PFKFB3: variants seen among roughly 807,000 people sequenced by gnomAD.
PFKFB3 encodes 6-phosphofructo-2-kinase/fructose-2,6-biphosphatase 3, also known as 6-phosphofructo-2-kinase/fructose-2,6-bisphosphatase 3.
In PFKFB3, 33 loss-of-function variants were observed where a neutral mutation model predicts 68.0. The ratio of observed to expected loss-of-function variants is 0.49; its 90% CI spans 0.37 to 0.65. The LOEUF is 0.65. PFKFB3 is among the 30% of genes least tolerant of loss of function. The pLI, the probability that PFKFB3 is intolerant of heterozygous loss-of-function variation, is 0.00. For synonymous variants in PFKFB3, 315 were observed against 288.2 expected, an observed-to-expected ratio of 1.09 and a Z score of -0.94; for missense variants, 586 against 712.2, an observed-to-expected ratio of 0.82 and a Z score of 2.02.
intron 1 of PFKFB3, among the ~76,000 whole-genome samples, chr10:6,160,710 C>G (rs1221433964): frequency 1.7e-4 from 15 of 88,258 alleles, no homozygotes; most frequent in Non-Finnish European, 2.5e-4. Flanking sequence ...AAGAGCAAGA[C>G]TCTGTCTCAA....
chr10:6,313,570 G>A, the PFKFB3 span, among the ~76,000 whole-genome samples: 5 of 152,096 alleles, frequency 3.3e-5, no homozygotes, highest in South Asian at 2.1e-4. This position sits in a 1 kb window ranked among gnomAD's most constrained non-coding sequence, Gnocchi z 4.2. Flanking sequence ...ATTCCATCTC[G>A]CCTAAATGAT....
chr10:6,168,929 C>A (rs550855762), intron 1 of PFKFB3, among the ~76,000 whole-genome samples: 1 of 152,302 alleles, frequency 6.6e-6, no homozygotes, highest in African/African-American at 2.4e-5. Flanking sequence ...CGTCTGCCCC[C>A]CGAAAAGTTA....
At chr10:6,261,555 G>A in the PFKFB3 span, among the ~76,000 whole-genome samples, 1 of 152,166 alleles carries the variant, frequency 6.6e-6, no homozygotes, top group African/African-American at 2.4e-5. Flanking sequence ...GGAGGGAAAG[G>A]AGCAGAAAGA....
At chr10:6,278,030 G>T in the PFKFB3 span, among the ~76,000 whole-genome samples, 1 of 151,080 alleles carries the variant, frequency 6.6e-6, no homozygotes, top group Admixed American at 6.6e-5. Flanking sequence ...CCATTCTCCT[G>T]CCTCAGCCTC....
intron 1 of PFKFB3, among the ~76,000 whole-genome samples, chr10:6,192,664 C>CATGTGT (rs1285620223): frequency 8.5e-4 from 110 of 128,876 alleles, no homozygotes; most frequent in African/African-American, 3.0e-3. Flanking sequence ...TCCCCTCACC[C>CATGTGT]GTGTGTGTGT....
At chr10:6,318,832 G>A in the PFKFB3 span, among the ~76,000 whole-genome samples, 1 of 152,192 alleles carries the variant, frequency 6.6e-6, no homozygotes, top group Non-Finnish European at 1.5e-5. Context: ...GGTGAAATGA[G>A]GATGTGTCCT....
At chr10:6,214,549 C>T (rs990632782) in intron 2 of PFKFB3, among the ~76,000 whole-genome samples, 3 of 150,728 alleles carry the variant, frequency 2.0e-5, no homozygotes, top group Non-Finnish European at 2.9e-5. Flanking sequence ...ATTTTAGATT[C>T]GGGTACATGT....
At chr10:6,175,934 C>G (rs1050071051) in intron 1 of PFKFB3, among the ~76,000 whole-genome samples, 19 of 152,240 alleles carry the variant, frequency 1.2e-4, no homozygotes, top group Admixed American at 1.1e-3. Flanking sequence ...GCAGCATTTA[C>G]CAGAGCCAAG....
intron 1 of PFKFB3, among the ~76,000 whole-genome samples, chr10:6,151,110 C>T (rs1440047079): frequency 2.0e-5 from 3 of 152,072 alleles, no homozygotes; most frequent in Non-Finnish European, 4.4e-5. Context: ...AGCAGGGAGA[C>T]GGACACAGGG....
the PFKFB3 span, among the ~76,000 whole-genome samples, chr10:6,292,163 A>G: frequency 2.7e-5 from 4 of 150,702 alleles, no homozygotes; most frequent in African/African-American, 9.7e-5. Flanking sequence ...CATGTTGGCC[A>G]GGCTGGTCTC....
the PFKFB3 span, among the ~76,000 whole-genome samples, chr10:6,300,133 T>C: frequency 1.3e-5 from 2 of 152,136 alleles, no homozygotes; most frequent in South Asian, 4.1e-4. Flanking sequence ...CTGTGGTTGT[T>C]GGGTGCCTTG....
At chr10:6,172,430 C>T (rs1260065217) in intron 1 of PFKFB3, among the ~76,000 whole-genome samples, 7 of 152,194 alleles carry the variant, frequency 4.6e-5, no homozygotes, top group Non-Finnish European at 7.3e-5. Flanking sequence ...GGTGACACTG[C>T]GACCAGTGTG....
intron 1 of PFKFB3, among the ~76,000 whole-genome samples, chr10:6,156,548 C>T (rs1338748499): frequency 6.6e-6 from 1 of 151,904 alleles, no homozygotes; most frequent in Non-Finnish European, 1.5e-5. Context: ...CGCTCTGCGG[C>T]CCAGGCTGAT....
At chr10:6,286,272 A>C in the PFKFB3 span, among the ~76,000 whole-genome samples, 11 of 148,800 alleles carry the variant, frequency 7.4e-5, no homozygotes, top group Non-Finnish European at 9.0e-5. Flanking sequence ...CCACCACGCC[A>C]GGCCCTTTCA....
At position 6,216,191 on chromosome 10, in the gene PFKFB3, G is replaced by A. The variant is rs757197649; in HGVS notation, c.366G>A (p.Ala122=). ...SYLAKEGGQI[A]VFDATNTTRE... The stretch of plus-strand genomic sequence containing the variant: ...TGGCGAAAGAAGGGGGACAAATTGC[G>A]GTAAGTCCAGGCAATGTAGCCGGCT... The change falls in exon 4 of 15, where the codon GCG becomes GCA. Residue 122 remains alanine (A), a splice_region_variant and synonymous_variant. Transcript: ENST00000379775. The A allele has an allele frequency of 1.1e-5, 17 of 1,613,928 alleles. No individual in the cohort carries two copies. Among genetic ancestry groups the A allele is most frequent in the South Asian group, 2.2e-5 (2 of 91,078 alleles).
intron 1 of PFKFB3, chr10:6,146,218 T>A: frequency 1.4e-6 from 2 of 1,430,720 alleles, no homozygotes; most frequent in Non-Finnish European, 1.8e-6. Flanking sequence ...CCCATCTGCC[T>A]CTCTTCTCTC....
chr10:6,221,356 G>A, intron 8 of PFKFB3, 25 bp from the exon 9 acceptor site: 1 of 1,612,902 alleles, frequency 6.2e-7, no homozygotes, highest in Non-Finnish European at 8.5e-7. Context: ...TCTGGAATCA[G>A]TGGTCCCCCT....
chr10:6,199,658 A>ATTTTTT (rs143309528), upstream of PFKFB3, among the ~76,000 whole-genome samples: 2,061 of 75,550 alleles, frequency 0.027, 90 homozygotes, highest in South Asian at 0.047. Flanking sequence ...CTATTTTTAA[A>ATTTTTT]TTTTTTTTTT....
chr10:6,213,298 T>C (rs1176035147), intron 1 of PFKFB3, among the ~76,000 whole-genome samples: 2 of 152,050 alleles, frequency 1.3e-5, no homozygotes, highest in South Asian at 2.1e-4. Flanking sequence ...TCTGGGAGGA[T>C]TGTTTGAGAC....
Sources: allele counts gnomAD v4.1 joint callset (sites outside exome capture counted in the v4.1 genomes callset), GRCh38; gene constraint gnomAD v4.1.1; non-coding constraint Gnocchi (gnomAD v3.1); transcripts MANE v1.5; gene names NCBI Gene and HGNC (gene_info 2026-07-23, HGNC 2026-07-21).